Variants in UNC13C observed in about 807,000 individuals in gnomAD.
UNC13C encodes the protein protein unc-13 homolog C.
UNC13C carries 174 observed loss-of-function variants against 245.4 expected under a neutral mutation model. The observed-to-expected ratio is 0.71, with a 90% confidence interval of 0.63 to 0.80. The LOEUF is 0.80. UNC13C is among the 30% of genes least tolerant of loss of function. UNC13C has a pLI of 0.00. For missense variants in UNC13C, 2,829 were observed against 2,602.9 expected, an observed-to-expected ratio of 1.09 and a Z score of -1.89; for synonymous variants, 992 against 895.1, an observed-to-expected ratio of 1.11 and a Z score of -1.93.
At chr15:53,955,888 C>A in the UNC13C span, 3 of 152,096 alleles carry the variant, frequency 2.0e-5, no homozygotes, top group African/African-American at 7.2e-5. Context: ...CTATGTTCAC[C>A]ACAGCACAAT....
the UNC13C span, among the ~76,000 whole-genome samples, chr15:53,945,483 C>G: frequency 2.0e-5 from 3 of 152,134 alleles, no homozygotes; most frequent in Non-Finnish European, 4.4e-5. Flanking sequence ...TATCTCAGCT[C>G]TATTTATTAA....
At chr15:53,991,644 A>T (rs984132357) in intron 1 of UNC13C, among the ~76,000 whole-genome samples, 8 of 152,014 alleles carry the variant, frequency 5.3e-5, no homozygotes, top group African/African-American at 1.9e-4. Flanking sequence ...AGCAGTGTGC[A>T]TCTTCTTGCC....
chr15:54,484,663 T>C (rs1893311752), intron 19 of UNC13C, among the ~76,000 whole-genome samples: 2 of 152,128 alleles, frequency 1.3e-5, no homozygotes, highest in Admixed American at 6.5e-5. Flanking sequence ...CCCATCTCCT[T>C]AGTAAATAAT....
At chr15:54,583,945 G>A (rs966415375) in intron 30 of UNC13C, among the ~76,000 whole-genome samples, 2 of 152,202 alleles carry the variant, frequency 1.3e-5, no homozygotes, top group South Asian at 2.1e-4. Flanking sequence ...CCAGGACAAA[G>A]CTCCAGGCCC....
rs913635960 is a variant in UNC13C at position 54,368,034 on chromosome 15, G to A, written c.4714-25014G>A. ...CTGGACTGCAACTAGGGTTCACTAG[G>A]CTGAGACTTTCAGGGTAATGCAAGT... is the stretch of plus-strand genomic sequence containing the variant. On this transcript the variant is annotated intron_variant, in intron 17 of 32. Transcript: ENST00000260323. 5.3e-5 allele frequency among the ~76,000 whole-genome samples: 8 copies of A among 152,198 alleles called. 1 individual carries two copies. The highest frequency in any genetic ancestry group is 1.0e-4 in the Non-Finnish European group (7 of 68,000).
At chr15:54,152,862 A>C (rs2032582101) in intron 4 of UNC13C, among the ~76,000 whole-genome samples, 1 of 152,280 alleles carries the variant, frequency 6.6e-6, no homozygotes, top group African/African-American at 2.4e-5. Context: ...AGAGAGAAAA[A>C]AAAAAGAGGA....
chr15:54,108,849 T>C lies in UNC13C; in HGVS notation c.2984-34169T>C, dbSNP rs992473223. ...AAAAAGGAACCTGCTATGGGAGATATTACAGATTCAGGCAACTCTTCAGAT... is the reference window on the plus strand; with the variant it reads ...AAAAAGGAACCTGCTATGGGAGATACTACAGATTCAGGCAACTCTTCAGAT... On this transcript the variant is annotated intron_variant, in intron 2 of 32. Transcript: ENST00000260323. Among the ~76,000 whole-genome samples, 4 of 152,198 alleles carry C rather than the reference T, an allele frequency of 2.6e-5. 1 individual carries two copies. The highest frequency in any genetic ancestry group is 6.3e-3 in the Middle Eastern group (2 of 316).
At chr15:54,154,092 A>G (rs751475208) in intron 4 of UNC13C, among the ~76,000 whole-genome samples, 2 of 152,032 alleles carry the variant, frequency 1.3e-5, no homozygotes, top group Non-Finnish European at 2.9e-5. Context: ...AATAAATTAT[A>G]TATTGTTGTA....
rs557870967 is a variant in UNC13C, at chr15:54,052,594, A to C, written c.2983+36708A>C. Among the ~76,000 whole-genome samples the C allele has an allele frequency of 2.0e-5, 3 of 152,356 alleles. No individual in the cohort carries two copies. In the East Asian group the frequency reaches 5.8e-4, roughly 29 times the overall value. On this transcript the variant is annotated intron_variant, in intron 2 of 32. Coordinates refer to ENST00000260323, the MANE Select transcript of UNC13C (RefSeq NM_001080534.3). The stretch of plus-strand genomic sequence containing the variant: ...TAATAAACACATGGATTGAATGATA[A>C]ATGACATGTTTATGGTGTTGAAGTG...
At chr15:53,870,061 G>A in the UNC13C span, among the ~76,000 whole-genome samples, 3 of 152,136 alleles carry the variant, frequency 2.0e-5, no homozygotes, top group East Asian at 1.9e-4. Flanking sequence ...TCATTTTAAA[G>A]TTTTTCCCAC....
chr15:54,219,435 T>A (rs1359969856), intron 4 of UNC13C, among the ~76,000 whole-genome samples: 1 of 152,122 alleles, frequency 6.6e-6, no homozygotes, highest in Non-Finnish European at 1.5e-5. Flanking sequence ...TTACACCTTC[T>A]ACAAAAATTA....
chr15:53,899,385 A>G, the UNC13C span, among the ~76,000 whole-genome samples: 1 of 152,218 alleles, frequency 6.6e-6, no homozygotes, highest in Non-Finnish European at 1.5e-5. Context: ...GCTTCCTTCA[A>G]ACCACTTTCC....
At chr15:54,343,699 G>A (rs2141013261) in intron 17 of UNC13C, among the ~76,000 whole-genome samples, 1 of 152,246 alleles carries the variant, frequency 6.6e-6, no homozygotes, top group East Asian at 1.9e-4. Flanking sequence ...ATTAAAGAAT[G>A]GTAAGGCAGA....
At chr15:53,939,198 C>G in the UNC13C span, among the ~76,000 whole-genome samples, 8 of 152,128 alleles carry the variant, frequency 5.3e-5, no homozygotes, top group African/African-American at 9.6e-5. Flanking sequence ...CATCAGAGAA[C>G]ACTATAAACA....
intron 10 of UNC13C, among the ~76,000 whole-genome samples, chr15:54,283,708 A>ATG (rs577915836): frequency 0.012 from 856 of 68,768 alleles, 8 homozygotes; most frequent in South Asian, 0.1. Flanking sequence ...GTGTATATAT[A>ATG]TATGTGTGTG....
chr15:54,570,103 A>G (rs1450762163), intron 30 of UNC13C, among the ~76,000 whole-genome samples: 2 of 152,148 alleles, frequency 1.3e-5, no homozygotes, highest in East Asian at 3.9e-4. Flanking sequence ...TGCTTCCTAT[A>G]TGGTTGCATC....
intron 2 of UNC13C, among the ~76,000 whole-genome samples, chr15:54,102,504 T>C (rs1900215765): frequency 6.6e-6 from 1 of 152,164 alleles, no homozygotes; most frequent in African/African-American, 2.4e-5. Flanking sequence ...CCCTAAACTC[T>C]TAAGGCAGGT....
the UNC13C span, chr15:53,912,330 C>G: frequency 6.6e-6 from 1 of 152,218 alleles, no homozygotes; most frequent in Non-Finnish European, 1.5e-5. Flanking sequence ...CTGAGTTGCC[C>G]AACTCAGGGG....
chr15:54,039,757 T>A (rs1896735040), intron 2 of UNC13C, among the ~76,000 whole-genome samples: 1 of 152,152 alleles, frequency 6.6e-6, no homozygotes. Context: ...AGGATGTAAC[T>A]GTTTCCTTGA....
Sources: allele counts gnomAD v4.1 joint callset (sites outside exome capture counted in the v4.1 genomes callset), GRCh38; gene constraint gnomAD v4.1.1; transcripts MANE v1.5; gene names NCBI Gene and HGNC (gene_info 2026-07-23, HGNC 2026-07-21).